Variants in AHNAK2 observed in about 807,000 individuals in gnomAD.
The protein encoded by AHNAK2 is AHNAK nucleoprotein 2, also known as protein AHNAK2.
A neutral mutation model predicts 30.7 loss-of-function variants in AHNAK2; 18 were observed. That is an observed-to-expected ratio of 0.59 (90% confidence interval 0.41 to 0.87). AHNAK2 has a LOEUF of 0.87. AHNAK2 is among the 40% of genes least tolerant of loss of function. AHNAK2 has a pLI of 0.00. For missense variants in AHNAK2, 8,604 were observed against 7,373.0 expected (o/e 1.17, Z -6.11); for synonymous variants, 3,590 against 3,073.8 (o/e 1.17, Z -5.56).
In AHNAK2 at chr14:104,947,205, G is replaced by C. The variant is rs766276103; in HGVS notation, c.8246C>G (p.Pro2749Arg). 3.7e-6 allele frequency: 6 copies of C among 1,612,212 alleles called. No individual in the cohort carries two copies. The highest frequency in any genetic ancestry group is 5.1e-6 in the Non-Finnish European group (6 of 1,179,558). The change falls in exon 7 of 7, where the codon CCC (proline) becomes CGC (arginine). Residue 2749 changes from proline (P) to arginine (R), a missense_variant. Physicochemically the swap from Pro to Arg is moderately radical, Grantham distance 103. Coordinates refer to ENST00000333244, the MANE Select transcript of AHNAK2 (RefSeq NM_138420.4). The part of the protein sequence containing the change: ...FKMPEVDLKG[P>R]QIDVKGPNVD... ...GTTGGGGCCCTTAACATCTATCTGG[G>C]GGCCCTTGAGGTCCACTTCAGGCAT...
chr14:104,978,314 C>A lies in AHNAK2; in HGVS notation c.-77G>T. 7.1e-6 allele frequency: 1 copy of A among 140,140 alleles called. No individual in the cohort carries two copies. The highest frequency in any genetic ancestry group is 1.6e-5 in the Non-Finnish European group (1 of 63,998). The allele number at this position is 140,140 out of a possible 1,614,324, so 8.7% of individuals were successfully genotyped here. ...TCCCGGCTCCGGCGCACGGGGCGGG[C>A]GGGCGGGAGCCGCGCTCTGCCCCGC... On this transcript the variant is annotated 5_prime_UTR_variant, in exon 1 of 7. Coordinates refer to ENST00000333244, the MANE Select transcript of AHNAK2 (RefSeq NM_138420.4).
rs200600726 is a variant in AHNAK2 at position 104,944,158 on chromosome 14, A to G, written c.11293T>C (p.Ser3765Pro). The G allele has an allele frequency of 1.2e-6, 2 of 1,612,982 alleles. No homozygotes were observed. Among genetic ancestry groups the G allele is most frequent in the Non-Finnish European group, 1.7e-6 (2 of 1,179,606 alleles). ...ACGTCCACCTCCACGCTGGGCAGAG[A>G]CACCTCCACATCAGGGGCTGTGACT... ...AEVTAPDVEV[S>P]LPSVEVDVQA... The change falls in exon 7 of 7, where the codon TCT becomes CCT. Residue 3765 changes from serine to proline, a missense_variant. Ser to Pro is a moderately conservative substitution (Grantham distance 74). Transcript: ENST00000333244.
rs1012864226 is a variant in AHNAK2, at chr14:104,966,693, G to A, written c.56-9021C>T. Among the ~76,000 whole-genome samples, 1 of 152,086 alleles carries A rather than the reference G, an allele frequency of 6.6e-6. No individual in the cohort carries two copies. The highest frequency in any genetic ancestry group is 2.4e-5 in the African/African-American group (1 of 41,420). On this transcript the variant is annotated intron_variant, in intron 1 of 6. Coordinates refer to ENST00000333244, the MANE Select transcript of AHNAK2 (RefSeq NM_138420.4). This position sits in a 1 kb window ranked among gnomAD's most constrained non-coding sequence, Gnocchi z 4.3. ...CCCCAGTGCACCCCACAACCCTGAG[G>A]GACCACCAGCTGGGGCCACCCCAGC...
In AHNAK2 at chr14:104,946,142, C is replaced by T. The variant is rs1898255911; in HGVS notation, c.9309G>A (p.Glu3103=). The T allele has an allele frequency of 6.2e-7, 1 of 1,612,446 alleles. No individual in the cohort carries two copies. Among genetic ancestry groups the T allele is most frequent in the South Asian group, 1.1e-5 (1 of 90,986 alleles). Residue 3103 remains glutamate, a synonymous_variant, in exon 7 of 7, where the codon GAG becomes GAA. Coordinates refer to ENST00000333244, the MANE Select transcript of AHNAK2 (RefSeq NM_138420.4). ...CCACCTCCATGCCGGGCTGAGACAC[C>T]TCCACGTCGGGGGCCGTCACGTCCG... is the stretch of plus-strand genomic sequence containing the variant. ...PKTDVTAPDV[E]VSQPGMEVDV...
In AHNAK2 at chr14:104,948,919, C is replaced by T. The variant is rs200709026; in HGVS notation, c.6532G>A (p.Val2178Met). 1.3e-6 allele frequency: 2 copies of T among 1,594,974 alleles called. No individual in the cohort carries two copies. Among genetic ancestry groups the T allele is most frequent in the African/African-American group, 2.7e-5 (2 of 73,088 alleles). ...PGKSIEASVD[V>M]SPPKVEADMS... ...TCGGCCTCCACCTTGGGTGGAGACA[C>T]ATCCACCGAGGCCTCGATGGACTTG... is the stretch of plus-strand genomic sequence containing the variant. The change falls in exon 7 of 7, where the codon GTG (valine) becomes ATG (methionine). Residue 2178 changes from valine to methionine, a missense_variant. By Grantham distance (21) the Val-to-Met change is conservative (BLOSUM62 1). Transcript: ENST00000333244.
At position 104,950,655 on chromosome 14, in the gene AHNAK2, T is replaced by C. The variant is rs1394657272; in HGVS notation, c.4796A>G (p.Lys1599Arg). The change falls in exon 7 of 7, where the codon AAG becomes AGG. Residue 1599 changes from lysine (K) to arginine (R), a missense_variant. Lys to Arg is a conservative substitution (Grantham distance 26, BLOSUM62 2). Coordinates refer to ENST00000333244, the MANE Select transcript of AHNAK2 (RefSeq NM_138420.4). The stretch of plus-strand genomic sequence containing the variant: ...GCCTTTCAGGTCCAGCTTGGGGCCC[T>C]TAACATCTATCTGGGGCCCCTTGAG... Reference protein sequence around the residue: ...VDLKGPQIDVKGPKLDLKGPK... With the variant: ...VDLKGPQIDVRGPKLDLKGPK... 2 of 1,586,756 alleles carry C rather than the reference T, an allele frequency of 1.3e-6. No individual in the cohort carries two copies. Among genetic ancestry groups the C allele is most frequent in the East Asian group, 2.3e-5 (1 of 44,154 alleles).
Position 104,942,209 on chromosome 14 carries a change from C to T in AHNAK2, c.13242G>A (p.Lys4414=). Reference sequence around the variant, plus strand: ...CCAGGTTGGGGGACGTCACCTCCACCTTGGGGCCTTTCAGGTCCAGCTTGG... The same window carrying T: ...CCAGGTTGGGGGACGTCACCTCCACTTTGGGGCCTTTCAGGTCCAGCTTGG... ...NVPKLDLKGP[K]VEVTSPNLDV... Residue 4414 remains lysine, a synonymous_variant, in exon 7 of 7, where the codon AAG becomes AAA. Coordinates refer to ENST00000333244, the MANE Select transcript of AHNAK2 (RefSeq NM_138420.4). 6.2e-7 allele frequency: 1 copy of T among 1,613,224 alleles called. No individual in the cohort carries two copies. The highest frequency in any genetic ancestry group is 8.5e-7 in the Non-Finnish European group (1 of 1,179,770).
At chr14:104,963,247 C>T (rs1317476310) in intron 1 of AHNAK2, among the ~76,000 whole-genome samples, 3 of 152,276 alleles carry the variant, frequency 2.0e-5, no homozygotes, top group South Asian at 4.1e-4. Context: ...CAGGAAAATG[C>T]AAATCAAGAC....
In AHNAK2 at chr14:104,946,830, G is replaced by A. The variant is rs1898301734; in HGVS notation, c.8621C>T (p.Ala2874Val). The A allele has an allele frequency of 6.2e-7, 1 of 1,612,730 alleles. No homozygotes were observed. The highest frequency in any genetic ancestry group is 8.5e-7 in the Non-Finnish European group (1 of 1,179,626). Residue 2874 changes from alanine to valine, a missense_variant, in exon 7 of 7, where the codon GCT becomes GTT. Physicochemically the swap from Ala to Val is moderately conservative, Grantham distance 64. Coordinates refer to ENST00000333244, the MANE Select transcript of AHNAK2 (RefSeq NM_138420.4). The part of the protein sequence containing the change: ...QPPSAQLEVQ[A>V]GQVDVKLPEG... The stretch of plus-strand genomic sequence containing the variant: ...TGGGAGTTTCACGTCCACCTGGCCA[G>A]CCTGGACCTCCAGTTGGGCGGAGGG...
In AHNAK2 at chr14:104,978,358, G is replaced by T. The variant is rs1425126730; in HGVS notation, c.-121C>A. The T allele has an allele frequency of 2.8e-6, 2 of 709,738 alleles. No individual in the cohort carries two copies. The highest frequency in any genetic ancestry group is 3.9e-5 in the African/African-American group (2 of 51,718). 44.0% of individuals were successfully genotyped at this position (709,738 alleles called of 1,614,324 possible). On this transcript the variant is annotated 5_prime_UTR_variant, in exon 1 of 7. Transcript: ENST00000333244. The stretch of plus-strand genomic sequence containing the variant: ...GCCCCGCTGCCCTGCGCTGCCGCGG[G>T]CGGCCGACCTCGGACTGCGGACACC...
chr14:104,957,586 G>A (rs778190097), intron 2 of AHNAK2, 28 bp downstream of exon 2: 1 of 1,606,504 alleles, frequency 6.2e-7, no homozygotes, highest in South Asian at 1.1e-5. Flanking sequence ...GGTATGAGGA[G>A]GACACACTTC....
At chr14:104,974,815 G>A (rs1486794887) in intron 1 of AHNAK2, among the ~76,000 whole-genome samples, 1 of 152,248 alleles carries the variant, frequency 6.6e-6, no homozygotes, top group Non-Finnish European at 1.5e-5. Flanking sequence ...CTGGGAGAGT[G>A]TGGCATTTTA....
In AHNAK2 at chr14:104,940,896, A is replaced by G. The variant is rs1897960309; in HGVS notation, c.14555T>C (p.Met4852Thr). The G allele has an allele frequency of 1.9e-6, 3 of 1,612,762 alleles. No individual in the cohort carries two copies. Among genetic ancestry groups the G allele is most frequent in the African/African-American group, 1.3e-5 (1 of 75,066 alleles). Residue 4852 changes from methionine (M) to threonine (T), a missense_variant, in exon 7 of 7, where the codon ATG becomes ACG. Transcript: ENST00000333244. The surrounding 1 kb of genome is among the most constrained non-coding windows in gnomAD (Gnocchi z 4.4). Reference sequence around the variant, plus strand: ...TACCTGACCAAGAGAAACAGGAATCATGGAATTCAGTGGGCCAGAGTGACT... The same window carrying G: ...TACCTGACCAAGAGAAACAGGAATCGTGGAATTCAGTGGGCCAGAGTGACT... Reference protein sequence around the residue: ...AESHSGPLNSMIPVSLGQVSF... With the variant: ...AESHSGPLNSTIPVSLGQVSF...
Position 104,954,890 on chromosome 14 carries a change from T to C in AHNAK2, c.651+67A>G. 6.4e-7 allele frequency: 1 copy of C among 1,551,464 alleles called. No individual in the cohort carries two copies. Among genetic ancestry groups the C allele is most frequent in the Non-Finnish European group, 8.7e-7 (1 of 1,149,768 alleles). On this transcript the variant is annotated intron_variant, in intron 6 of 6. Transcript: ENST00000333244. This position sits in a 1 kb window ranked among gnomAD's most constrained non-coding sequence, Gnocchi z 4.3. Reference sequence around the variant, plus strand: ...CAGATGGAGTGGGAGTGCTATCCCCTCCCAGGCTCAGCCAGCAGGGTAGTG... The same window carrying C: ...CAGATGGAGTGGGAGTGCTATCCCCCCCCAGGCTCAGCCAGCAGGGTAGTG...
intron 1 of AHNAK2, among the ~76,000 whole-genome samples, chr14:104,968,714 C>T (rs1192412574): frequency 6.6e-6 from 1 of 152,232 alleles, no homozygotes; most frequent in Non-Finnish European, 1.5e-5. Context: ...ACTGGCTCTC[C>T]AGTGGCCGGA....
chr14:104,962,163 G>A (rs1022206361), intron 1 of AHNAK2, among the ~76,000 whole-genome samples: 1 of 152,116 alleles, frequency 6.6e-6, no homozygotes, highest in Non-Finnish European at 1.5e-5. Flanking sequence ...ATCAACCAAC[G>A]AGACCAAACT....
In AHNAK2 at chr14:104,954,771, T is replaced by C. The variant is rs910399268; in HGVS notation, c.680A>G (p.Glu227Gly). ...TCCTTCCAGAGTTTTCGTGGGGGTC[T>C]CTCTGCACCCATCAGCAACATCCGT... ...EDTDVADGCR[E>G]TPTKTLEGDG... Residue 227 changes from glutamate (E) to glycine (G), a missense_variant, in exon 7 of 7, where the codon GAG becomes GGG. Physicochemically the swap from Glu to Gly is moderately conservative, Grantham distance 98. Coordinates refer to ENST00000333244, the MANE Select transcript of AHNAK2 (RefSeq NM_138420.4). The surrounding 1 kb of genome is among the most constrained non-coding windows in gnomAD (Gnocchi z 4.3). The C allele has an allele frequency of 1.3e-6, 2 of 1,585,038 alleles. No individual in the cohort carries two copies. Among genetic ancestry groups the C allele is most frequent in the African/African-American group, 2.7e-5 (2 of 73,796 alleles).
intron 1 of AHNAK2, among the ~76,000 whole-genome samples, chr14:104,959,769 A>C (rs1899084291): frequency 6.6e-6 from 1 of 152,274 alleles, no homozygotes; most frequent in Non-Finnish European, 1.5e-5. Flanking sequence ...AAAGGAACTA[A>C]TACCAGACAC....
Position 104,941,056 on chromosome 14 carries a change from C to G in AHNAK2, c.14395G>C (p.Val4799Leu), listed in dbSNP as rs544448180. 2.2e-5 allele frequency: 36 copies of G among 1,613,602 alleles called. No individual in the cohort carries two copies. In the South Asian group the frequency reaches 3.4e-4, roughly 15 times the overall value. Residue 4799 changes from valine to leucine, a missense_variant, in exon 7 of 7, where the codon GTT becomes CTT. Coordinates refer to ENST00000333244, the MANE Select transcript of AHNAK2 (RefSeq NM_138420.4). ...DVTLTKYQVTVPRAALAPELA... is the reference protein window; with the variant it reads ...DVTLTKYQVTLPRAALAPELA... ...TCAGGGGCCAAGGCAGCTCTGGGAA[C>G]AGTCACCTGGTATTTTGTAAGTGTA... is the stretch of plus-strand genomic sequence containing the variant.
Sources: allele counts gnomAD v4.1 joint callset (sites outside exome capture counted in the v4.1 genomes callset), GRCh38; gene constraint gnomAD v4.1.1; non-coding constraint Gnocchi (gnomAD v3.1); transcripts MANE v1.5; gene names NCBI Gene and HGNC (gene_info 2026-07-23, HGNC 2026-07-21).